The following DPP10 variants were observed in gnomAD, a reference collection of about 807,000 sequenced individuals.
DPP10 encodes dipeptidyl peptidase like 10, also known as inactive dipeptidyl peptidase 10.
A neutral mutation model predicts 120.9 loss-of-function variants in DPP10; 33 were observed. That is an observed-to-expected ratio of 0.27 (90% CI 0.21 to 0.37). The LOEUF is 0.37. Ranked by LOEUF, DPP10 falls within the 10% of genes least tolerant of loss-of-function variation. The pLI is 1.00. For synonymous variants in DPP10, 337 were observed against 326.1 expected, an observed-to-expected ratio of 1.03 and a Z score of -0.36; for missense variants, 816 against 942.8, an observed-to-expected ratio of 0.87 and a Z score of 1.76.
At chr2:115,119,272 G>T (rs1016074565) in intron 1 of DPP10, among the ~76,000 whole-genome samples, 1 of 152,132 alleles carries the variant, frequency 6.6e-6, no homozygotes, top group African/African-American at 2.4e-5. Context: ...GCATCATTTT[G>T]TCTTTTACTG....
intron 3 of DPP10, among the ~76,000 whole-genome samples, chr2:115,378,650 T>C (rs1265288480): frequency 1.3e-5 from 2 of 151,470 alleles, no homozygotes; most frequent in African/African-American, 2.4e-5. Flanking sequence ...AGGGAATGCT[T>C]CCAGTTTTTG....
chr2:114,514,089 A>G (rs933352637), intron 1 of DPP10, among the ~76,000 whole-genome samples: 1 of 152,196 alleles, frequency 6.6e-6, no homozygotes, highest in African/African-American at 2.4e-5. Context: ...AGTTTTCTAG[A>G]AAACCTCAAA....
chr2:115,437,145 T>C (rs1313622156), intron 3 of DPP10, among the ~76,000 whole-genome samples: 2 of 152,012 alleles, frequency 1.3e-5, no homozygotes, highest in Non-Finnish European at 2.9e-5. Flanking sequence ...TCTTACATGA[T>C]TTCATGGAAA....
At chr2:115,560,445 T>TATATATAC (rs1359773531) in intron 5 of DPP10, among the ~76,000 whole-genome samples, 5 of 86,252 alleles carry the variant, frequency 5.8e-5, no homozygotes, top group African/African-American at 1.5e-4. Context: ...TATATATATA[T>TATATATAC]ACGACAAGCT....
At chr2:115,678,244 C>T (rs1247714176) in intron 5 of DPP10, among the ~76,000 whole-genome samples, 1 of 152,254 alleles carries the variant, frequency 6.6e-6, no homozygotes, top group Non-Finnish European at 1.5e-5. Flanking sequence ...CAGAGCCCTT[C>T]ACGGCATCCC....
rs1452933524 is a variant in DPP10 at position 115,067,333 on chromosome 2, G to T, written c.61-241906G>T. Among the ~76,000 whole-genome samples the T allele has an allele frequency of 2.0e-5, 3 of 151,566 alleles. No homozygotes were observed. The East Asian group carries it at 6.0e-4, about 30-fold the overall frequency. The stretch of plus-strand genomic sequence containing the variant: ...GTGGCGCCATCTCTGCTCACTGCAA[G>T]CTCCGCCTCCCGGGTTCCCGCCATT... On this transcript the variant is annotated intron_variant, in intron 1 of 25. Coordinates refer to ENST00000410059, the MANE Select transcript of DPP10 (RefSeq NM_020868.6).
intron 1 of DPP10, among the ~76,000 whole-genome samples, chr2:114,580,036 G>C (rs982120279): frequency 3.9e-5 from 6 of 152,202 alleles, no homozygotes; most frequent in African/African-American, 1.4e-4. Flanking sequence ...TTGTAGGTCA[G>C]ATAACATTTA....
chr2:115,501,389 C>T (rs1353367653), intron 4 of DPP10, among the ~76,000 whole-genome samples: 1 of 152,092 alleles, frequency 6.6e-6, no homozygotes, highest in Non-Finnish European at 1.5e-5. Flanking sequence ...CACACCATCA[C>T]CATCTCATAT....
At chr2:115,088,942 C>A (rs2420574) in intron 1 of DPP10, among the ~76,000 whole-genome samples, 1 of 151,866 alleles carries the variant, frequency 6.6e-6, no homozygotes, top group East Asian at 1.9e-4. Context: ...CTGGCTACAG[C>A]TGACTGACCA....
rs1161623052 is a variant in DPP10, at chr2:114,442,784, C to G, written c.6C>G (p.Asn2Lys). The G allele has an allele frequency of 2.5e-6, 4 of 1,613,226 alleles. No homozygotes were observed. The highest frequency in any genetic ancestry group is 3.4e-6 in the Non-Finnish European group (4 of 1,179,510). The change falls in exon 1 of 26, where the codon AAC becomes AAG. Residue 2 changes from asparagine to lysine, a missense_variant. Physicochemically the swap from Asn to Lys is moderately conservative, Grantham distance 94 (BLOSUM62 0). Around this residue, in one of 3 missense-constraint regions of DPP10, gnomAD observed 182 missense variants for 207.4 expected, o/e 0.88. Transcript: ENST00000410059. ...ACTGTCCAGGGTCCTGAAACATGAA[C>G]CAAACTGCCAGCGTGTCCCATCACA... MNQTASVSHHIK... is the reference protein window; with the variant it reads MKQTASVSHHIK...
chr2:115,291,484 T>G (rs950031896), intron 1 of DPP10, among the ~76,000 whole-genome samples: 1 of 152,170 alleles, frequency 6.6e-6, no homozygotes, highest in Non-Finnish European at 1.5e-5. Flanking sequence ...AATGGTGTGT[T>G]TTGTCTTTCA....
At chr2:115,434,552 T>G (rs2071303650) in intron 3 of DPP10, among the ~76,000 whole-genome samples, 1 of 151,868 alleles carries the variant, frequency 6.6e-6, no homozygotes, top group Non-Finnish European at 1.5e-5. Flanking sequence ...TTCATTTTTT[T>G]GCTGATCCAT....
chr2:115,035,613 T>G (rs1704175235), intron 1 of DPP10, among the ~76,000 whole-genome samples: 1 of 152,200 alleles, frequency 6.6e-6, no homozygotes, highest in Non-Finnish European at 1.5e-5. Context: ...TGATTATAAT[T>G]ATGGTAGATA....
intron 1 of DPP10, among the ~76,000 whole-genome samples, chr2:114,994,913 G>T (rs938354191): frequency 6.6e-6 from 1 of 152,056 alleles, no homozygotes; most frequent in Non-Finnish European, 1.5e-5. Context: ...TTTCTGCATA[G>T]AATTTTTGTG....
intron 1 of DPP10, among the ~76,000 whole-genome samples, chr2:114,534,802 C>A (rs945971910): frequency 6.6e-6 from 1 of 151,998 alleles, no homozygotes; most frequent in African/African-American, 2.4e-5. Flanking sequence ...TAGTGGTCTA[C>A]CTGATTCTTA....
intron 1 of DPP10, among the ~76,000 whole-genome samples, chr2:115,237,914 A>G (rs1353318375): frequency 6.6e-6 from 1 of 152,206 alleles, no homozygotes; most frequent in African/African-American, 2.4e-5. Context: ...TCTCCATAAC[A>G]TCAAAGTGCA....
intron 1 of DPP10, among the ~76,000 whole-genome samples, chr2:114,530,502 C>G (rs1054991236): frequency 6.6e-6 from 1 of 151,982 alleles, no homozygotes; most frequent in African/African-American, 2.4e-5. Flanking sequence ...AAACATAGCC[C>G]ACAGTCAGAG....
Position 115,181,764 on chromosome 2 carries a change from A to G in DPP10, c.61-127475A>G, listed in dbSNP as rs143311628. On this transcript the variant is annotated intron_variant, in intron 1 of 25. Coordinates refer to ENST00000410059, the MANE Select transcript of DPP10 (RefSeq NM_020868.6). ...ATAAGAGAAATGGTAAGGACTGTGC[A>G]GTCATCTCGGATCCACCACAGACTA... Among the ~76,000 whole-genome samples the G allele has an allele frequency of 1.7e-3, 265 of 152,338 alleles. 2 individuals carry two copies. The highest frequency in any genetic ancestry group is 4.7e-3 in the African/African-American group (196 of 41,572).
At chr2:115,511,701 TTTCTTCTTC>T (rs565620236) in intron 4 of DPP10, among the ~76,000 whole-genome samples, 59 of 130,328 alleles carry the variant, frequency 4.5e-4, no homozygotes, top group East Asian at 1.7e-3. Context: ...TTTTTTCTTC[TTTCTTCTTC>T]TTCTTCTTCT....
Sources: allele counts gnomAD v4.1 joint callset (sites outside exome capture counted in the v4.1 genomes callset), GRCh38; gene constraint gnomAD v4.1.1; regional missense constraint gnomAD v4.1.1; transcripts MANE v1.5; gene names NCBI Gene and HGNC (gene_info 2026-07-23, HGNC 2026-07-21).